Variants in TYW1 observed in about 807,000 individuals in gnomAD.
The protein encoded by TYW1 is S-adenosyl-L-methionine-dependent tRNA 4-demethylwyosine synthase TYW1.
In TYW1, 46 loss-of-function variants were observed where a neutral mutation model predicts 96.2. The ratio of observed to expected loss-of-function variants is 0.48; its 90% CI spans 0.38 to 0.61. TYW1 has a LOEUF of 0.61. Among genes scored for constraint, TYW1 ranks in the 20% least tolerant of loss-of-function variants. TYW1 has a pLI of 0.00. For missense variants in TYW1, 684 were observed against 909.6 expected, an observed-to-expected ratio of 0.75 and a Z score of 3.19; for synonymous variants, 274 against 323.0, an observed-to-expected ratio of 0.85 and a Z score of 1.63.
intron 14 of TYW1, among the ~76,000 whole-genome samples, chr7:67,186,241 CT>C (rs541563412): frequency 0.013 from 1,743 of 135,326 alleles, 34 homozygotes; most frequent in Non-Finnish European, 0.02. Flanking sequence ...CTGGATCTCC[CT>C]TTTTTTCATT....
At chr7:67,169,783 G>A (rs1455181569) in intron 13 of TYW1, among the ~76,000 whole-genome samples, 2 of 152,194 alleles carry the variant, frequency 1.3e-5, no homozygotes, top group Non-Finnish European at 2.9e-5. Flanking sequence ...GCTGATGGAC[G>A]TTGGCATTGT....
intron 11 of TYW1, among the ~76,000 whole-genome samples, chr7:67,083,775 C>T (rs1166516557): frequency 6.6e-6 from 1 of 152,228 alleles, no homozygotes; most frequent in African/African-American, 2.4e-5. Context: ...TGGCTCACGC[C>T]TGTAATCCCA....
intron 6 of TYW1, among the ~76,000 whole-genome samples, chr7:67,021,084 A>C (rs1184751160): frequency 2.6e-5 from 4 of 152,292 alleles, no homozygotes; most frequent in Non-Finnish European, 4.4e-5. Flanking sequence ...CTTTGTGCTC[A>C]CCTGTTACTC....
intron 13 of TYW1, among the ~76,000 whole-genome samples, chr7:67,149,328 C>T (rs1049850169): frequency 2.0e-5 from 3 of 152,172 alleles, no homozygotes; most frequent in Non-Finnish European, 4.4e-5. Context: ...TATATTAGTG[C>T]ATCTGGGAAA....
At chr7:67,131,847 C>G (rs1013029100) in intron 13 of TYW1, among the ~76,000 whole-genome samples, 3 of 152,130 alleles carry the variant, frequency 2.0e-5, no homozygotes, top group Non-Finnish European at 4.4e-5. Context: ...AGCTGAAGAA[C>G]TTGGAGTTTG....
chr7:67,090,151 A>G (rs1393795965), intron 11 of TYW1, among the ~76,000 whole-genome samples: 1 of 152,240 alleles, frequency 6.6e-6, no homozygotes, highest in Non-Finnish European at 1.5e-5. Context: ...GTATGCTAAC[A>G]TACACATCAT....
chr7:67,073,154 A>G (rs907742030), intron 10 of TYW1, among the ~76,000 whole-genome samples: 14 of 151,982 alleles, frequency 9.2e-5, no homozygotes, highest in Non-Finnish European at 1.9e-4. Context: ...AAACACTACA[A>G]GTATCTCTTA....
chr7:67,031,234 A>T (rs965150301), intron 7 of TYW1, among the ~76,000 whole-genome samples: 30 of 144,022 alleles, frequency 2.1e-4, no homozygotes, highest in Non-Finnish European at 3.2e-4. Context: ...CGGCTCAAAC[A>T]GGAGGCGTGT....
chr7:67,011,893 G>A (rs1793814348), intron 4 of TYW1, among the ~76,000 whole-genome samples: 3 of 150,176 alleles, frequency 2.0e-5, no homozygotes, highest in Admixed American at 6.7e-5. Context: ...AAAAAAAGAA[G>A]CAGCACATAG....
chr7:67,166,687 A>G (rs1584644219), intron 13 of TYW1, among the ~76,000 whole-genome samples: 1 of 152,122 alleles, frequency 6.6e-6, no homozygotes, highest in East Asian at 1.9e-4. Flanking sequence ...TTCATCCATG[A>G]TGTGTGCAGC....
rs545362409 is a variant in TYW1 at position 67,052,779 on chromosome 7, C to T, written c.1102+2713C>T. On this transcript the variant is annotated intron_variant, in intron 8 of 15. Coordinates refer to ENST00000359626, the MANE Select transcript of TYW1 (RefSeq NM_018264.4). Reference sequence around the variant, plus strand: ...CGGAGTCTCACTCTGTTGCCCAGGCCGGAGTGCAGTGGCGTGATCTTGGCT... The same window carrying T: ...CGGAGTCTCACTCTGTTGCCCAGGCTGGAGTGCAGTGGCGTGATCTTGGCT... Among the ~76,000 whole-genome samples, 177 of 152,022 alleles carry T rather than the reference C, an allele frequency of 1.2e-3. 1 individual carries two copies. Among genetic ancestry groups the T allele is most frequent in the African/African-American group, 4.0e-3 (165 of 41,476 alleles).
intron 13 of TYW1, among the ~76,000 whole-genome samples, chr7:67,134,573 T>G (rs1798185091): frequency 6.6e-6 from 1 of 151,112 alleles, no homozygotes; most frequent in Non-Finnish European, 1.5e-5. Context: ...AAGGATACCA[T>G]ATATCCAAAC....
Position 67,072,638 on chromosome 7 carries a change from A to G in TYW1, c.1274+5235A>G, listed in dbSNP as rs537524267. On this transcript the variant is annotated intron_variant, in intron 10 of 15. Coordinates refer to ENST00000359626, the MANE Select transcript of TYW1 (RefSeq NM_018264.4). ...ATATATTAAACCTCGGTGAACATTT[A>G]TCGTCATATGGATAATCATATTCCA... 3.9e-5 allele frequency among the ~76,000 whole-genome samples: 6 copies of G among 152,314 alleles called. 1 individual carries two copies. The South Asian group carries it at 1.2e-3, about 32-fold the overall frequency.
chr7:67,229,262 G>C (rs1347977195), intron 15 of TYW1, among the ~76,000 whole-genome samples: 1 of 152,184 alleles, frequency 6.6e-6, no homozygotes, highest in African/African-American at 2.4e-5. Context: ...TATAGGCCGG[G>C]TGCGGTGGCT....
intron 15 of TYW1, among the ~76,000 whole-genome samples, chr7:67,223,883 C>CA (rs1185013972): frequency 6.6e-6 from 1 of 151,288 alleles, no homozygotes; most frequent in African/African-American, 2.4e-5. Context: ...CAATAGACTC[C>CA]AGAGTTCCAA....
intron 11 of TYW1, among the ~76,000 whole-genome samples, chr7:67,095,716 G>GCCA (rs1348717245): frequency 0.016 from 1,296 of 83,146 alleles, 17 homozygotes; most frequent in African/African-American, 0.051. Context: ...AGCAGCAGCA[G>GCCA]CAGCCCCTAT....
At chr7:67,058,070 G>T (rs1268566061) in intron 9 of TYW1, among the ~76,000 whole-genome samples, 1 of 152,018 alleles carries the variant, frequency 6.6e-6, no homozygotes, top group Admixed American at 6.6e-5. Flanking sequence ...GAGTAGCTGG[G>T]ACTACAGGCA....
chr7:67,167,856 G>A (rs1488015341), intron 13 of TYW1, among the ~76,000 whole-genome samples: 3 of 151,936 alleles, frequency 2.0e-5, no homozygotes, highest in African/African-American at 4.8e-5. Context: ...CTGAGTTCAA[G>A]CGATTCTCCT....
intron 10 of TYW1, among the ~76,000 whole-genome samples, chr7:67,072,964 T>TA (rs55717471): frequency 6.8e-4 from 64 of 93,536 alleles, no homozygotes; most frequent in African/African-American, 2.1e-3. Flanking sequence ...TTTTTTTTTT[T>TA]ATAGAGACAG....
Sources: gnomAD v4.1 joint callset for allele counts (sites outside exome capture counted in the v4.1 genomes callset) on GRCh38, gnomAD v4.1.1 for gene constraint, MANE v1.5 for transcripts, NCBI Gene and HGNC (gene_info 2026-07-23, HGNC 2026-07-21) for gene names.